Variants in TNN observed in about 807,000 individuals in gnomAD.
The protein encoded by TNN is tenascin N, also known as tenascin-N.
A neutral mutation model predicts 134.4 loss-of-function variants in TNN; 122 were observed. The ratio of observed to expected loss-of-function variants is 0.91; its 90% CI spans 0.78 to 1.06. The LOEUF (loss-of-function observed/expected upper bound fraction) is 1.06. Ranked by LOEUF, TNN falls within the 50% of genes least tolerant of loss-of-function variation. The pLI, the probability that TNN is intolerant of heterozygous loss-of-function variation, is 0.00. For synonymous variants in TNN, 710 were observed against 670.3 expected (o/e 1.06, Z -0.91); for missense variants, 1,739 against 1,699.4 (o/e 1.02, Z -0.41).
chr1:175,098,551 A>AG lies in TNN; in HGVS notation c.2080dup (p.Asp694GlyfsTer16). The stretch of plus-strand genomic sequence containing the variant: ...TACATGGTGCACGTGTGGGCCCAGA[A>AG]GGGGGACCAGGAGAGCAAGAAGGCC... On this transcript the variant is annotated frameshift_variant, in exon 9 of 19. Coordinates refer to ENST00000239462, the MANE Select transcript of TNN (RefSeq NM_022093.2). LOFTEE classifies it high-confidence loss of function. 6.2e-7 allele frequency: 1 copy of AG among 1,614,140 alleles called. No individual in the cohort carries two copies. The highest frequency in any genetic ancestry group is 8.5e-7 in the Non-Finnish European group (1 of 1,180,012).
chr1:175,125,938 C>G (rs374042226), intron 12 of TNN, among the ~76,000 whole-genome samples: 1 of 140,800 alleles, frequency 7.1e-6, no homozygotes, highest in Non-Finnish European at 1.5e-5. Context: ...TTCTTTCTCT[C>G]GCTTCTCTCC....
At chr1:175,069,699 A>G (rs1108523) in intron 1 of TNN, among the ~76,000 whole-genome samples, 84,802 of 152,056 alleles carry the variant, frequency 0.56, 25,078 homozygotes, top group African/African-American at 0.78. Flanking sequence ...TGTGAGCAGA[A>G]GTTGCTAAGA....
Position 175,147,209 on chromosome 1 carries a change from G to A in TNN, c.*138G>A. On this transcript the variant is annotated 3_prime_UTR_variant, in exon 19 of 19. Transcript: ENST00000239462. ...ATGTCACCAAGCTTCAAGCCATGGAGGTTCCTTCCCTCTCACCTGCATTTT... is the reference window on the plus strand; with the variant it reads ...ATGTCACCAAGCTTCAAGCCATGGAAGTTCCTTCCCTCTCACCTGCATTTT... 1.1e-6 allele frequency: 1 copy of A among 930,796 alleles called. No individual in the cohort carries two copies. The highest frequency in any genetic ancestry group is 3.7e-5 in the Admixed American group (1 of 26,730). The allele number at this position is 930,796 out of a possible 1,614,324, so 57.7% of individuals were successfully genotyped here.
intron 9 of TNN, among the ~76,000 whole-genome samples, chr1:175,112,542 C>T (rs1161069678): frequency 8.3e-6 from 1 of 119,894 alleles, no homozygotes; most frequent in Non-Finnish European, 1.6e-5. Context: ...AAGGAAGATT[C>T]TTGTAGGTAG....
chr1:175,077,002 T>C (rs1674056352), intron 1 of TNN, among the ~76,000 whole-genome samples: 1 of 152,218 alleles, frequency 6.6e-6, no homozygotes, highest in Non-Finnish European at 1.5e-5. Context: ...GCAGCTCATA[T>C]TGTTGATGTT....
intron 4 of TNN, among the ~76,000 whole-genome samples, chr1:175,080,800 G>T (rs1447452686): frequency 6.6e-6 from 1 of 152,164 alleles, no homozygotes; most frequent in East Asian, 1.9e-4. Flanking sequence ...ACCTGTATCA[G>T]TTAGATTCAT....
intron 9 of TNN, among the ~76,000 whole-genome samples, chr1:175,100,812 T>G (rs1176759466): frequency 2.0e-5 from 3 of 152,330 alleles, no homozygotes; most frequent in African/African-American, 4.8e-5. Flanking sequence ...AATGATAGCT[T>G]ATGGTCATTG....
chr1:175,100,984 C>T (rs962120823), intron 9 of TNN, among the ~76,000 whole-genome samples: 2 of 152,216 alleles, frequency 1.3e-5, no homozygotes, highest in African/African-American at 4.8e-5. Context: ...ATCAGCTCAA[C>T]ATTTGGCATT....
chr1:175,098,201 G>GGAGACC, intron 8 of TNN, 131 bp from the exon 9 acceptor site: 5 of 1,311,948 alleles, frequency 3.8e-6, no homozygotes, highest in Non-Finnish European at 5.3e-6. Context: ...GACTCCCAGC[G>GGAGACC]GAGACTCAGG....
chr1:175,132,039 G>C (rs111331538), intron 15 of TNN, among the ~76,000 whole-genome samples: 13 of 151,830 alleles, frequency 8.6e-5, no homozygotes, highest in African/African-American at 2.4e-4. Flanking sequence ...TGCATTCTAG[G>C]GGGGCAGGGT....
Position 175,094,202 on chromosome 1 carries a change from G to C in TNN, c.1537G>C (p.Ala513Pro), listed in dbSNP as rs774252133. Reference sequence around the variant, plus strand: ...AGAGGCATACAAGGTCTACGTGTGGGCTGAAAGGGGCAACCAGGGGAGCAA... The same window carrying C: ...AGAGGCATACAAGGTCTACGTGTGGCCTGAAAGGGGCAACCAGGGGAGCAA... ...PGEAYKVYVWAERGNQGSKKA... is the reference protein window; with the variant it reads ...PGEAYKVYVWPERGNQGSKKA... The change falls in exon 7 of 19, where the codon GCT (alanine) becomes CCT (proline). Residue 513 changes from alanine to proline, a missense_variant. By Grantham distance (27) the Ala-to-Pro change is conservative. Coordinates refer to ENST00000239462, the MANE Select transcript of TNN (RefSeq NM_022093.2). 1 of 1,612,792 alleles carries C rather than the reference G, an allele frequency of 6.2e-7. No individual in the cohort carries two copies. The highest frequency in any genetic ancestry group is 1.7e-5 in the Admixed American group (1 of 59,946).
In TNN at chr1:175,077,749, C is replaced by T. The variant is rs750330740; in HGVS notation, c.331C>T (p.Arg111Trp). The T allele has an allele frequency of 4.1e-5, 66 of 1,614,166 alleles. No homozygotes were observed. The highest frequency in any genetic ancestry group is 1.3e-4 in the East Asian group (6 of 44,882). ...AGGCAGTGTCCAGGACCTCCTGGCCCGGGTGAAGAAGCTGGAGGAAGAGAT... is the reference window on the plus strand; with the variant it reads ...AGGCAGTGTCCAGGACCTCCTGGCCTGGGTGAAGAAGCTGGAGGAAGAGAT... ...LAGSVQDLLARVKKLEEEMVE... is the reference protein window; with the variant it reads ...LAGSVQDLLAWVKKLEEEMVE... The change falls in exon 2 of 19, where the codon CGG (arginine) becomes TGG (tryptophan). Residue 111 changes from arginine to tryptophan, a missense_variant. Physicochemically the swap from Arg to Trp is moderately radical, Grantham distance 101. Transcript: ENST00000239462.
rs2149433088 is a variant in TNN at position 175,098,397 on chromosome 1, G to A, written c.1921G>A (p.Asp641Asn). The A allele has an allele frequency of 6.2e-7, 1 of 1,614,186 alleles. No homozygotes were observed. Among genetic ancestry groups the A allele is most frequent in the Middle Eastern group, 1.6e-4 (1 of 6,062 alleles). ...AGAGAATATGGCCACGGTCTCCTGG[G>A]ACCCGGTGCAGGCCGCCATTGACAA... ...VTENMATVSW[D>N]PVQAAIDKYV... The change falls in exon 9 of 19, where the codon GAC (aspartate) becomes AAC (asparagine). Residue 641 changes from aspartate (D) to asparagine (N), a missense_variant. Physicochemically the swap from Asp to Asn is conservative, Grantham distance 23. Transcript: ENST00000239462.
chr1:175,089,500 C>T (rs967152348), intron 6 of TNN, among the ~76,000 whole-genome samples: 1 of 152,212 alleles, frequency 6.6e-6, no homozygotes, highest in South Asian at 2.1e-4. Flanking sequence ...TGTCCCTGGA[C>T]TTCTGCATCA....
intron 6 of TNN, among the ~76,000 whole-genome samples, chr1:175,087,246 T>A (rs1674340070): frequency 6.6e-6 from 1 of 152,232 alleles, no homozygotes; most frequent in African/African-American, 2.4e-5. Flanking sequence ...AGGACTTCAA[T>A]ATTTAAATGG....
chr1:175,072,238 C>T (rs1020595522), intron 1 of TNN, among the ~76,000 whole-genome samples: 3 of 152,182 alleles, frequency 2.0e-5, no homozygotes, highest in Non-Finnish European at 2.9e-5. Flanking sequence ...CTAATGTATC[C>T]CTCCCTCCCA....
chr1:175,068,005 A>C, intron 1 of TNN, 70 bp downstream of exon 1: 3 of 452,050 alleles, frequency 6.6e-6, no homozygotes, highest in Non-Finnish European at 1.3e-5. Flanking sequence ...TGAGCTCAAA[A>C]GTGGTGGCTC....
chr1:175,135,832 T>A lies in TNN; in HGVS notation c.3331-13T>A. 1 of 1,606,370 alleles carries A rather than the reference T, an allele frequency of 6.2e-7. No homozygotes were observed. Among genetic ancestry groups the A allele is most frequent in the Non-Finnish European group, 8.5e-7 (1 of 1,173,074 alleles). ...TTGGAGGGTCAGAGTGAAGTATTCA[T>A]CTTCCTTCTCAGGTCTTCCAGAGGC... On this transcript the variant is annotated splice_polypyrimidine_tract_variant and intron_variant, in intron 15 of 18. Coordinates refer to ENST00000239462, the MANE Select transcript of TNN (RefSeq NM_022093.2).
intron 7 of TNN, among the ~76,000 whole-genome samples, chr1:175,095,213 G>C (rs1341629552): frequency 1.3e-5 from 2 of 152,108 alleles, no homozygotes; most frequent in Non-Finnish European, 2.9e-5. Context: ...TTCTTCAGGG[G>C]AGCAGAGAAG....
Sources: allele counts gnomAD v4.1 joint callset (sites outside exome capture counted in the v4.1 genomes callset), GRCh38; gene constraint gnomAD v4.1.1; transcripts MANE v1.5; gene names NCBI Gene and HGNC (gene_info 2026-07-23, HGNC 2026-07-21).